The following JMJD1C variants were observed in gnomAD, a reference collection of about 807,000 sequenced individuals.
JMJD1C encodes the protein jumonji domain-containing protein 1C.
Under a neutral mutation model 245.3 loss-of-function variants are expected in JMJD1C, and 31 were observed. The observed-to-expected ratio is 0.13, with a 90% CI of 0.09 to 0.17. The LOEUF is 0.17. JMJD1C is among the 10% of genes least tolerant of loss of function. The pLI is 1.00. For missense variants in JMJD1C, 2,691 were observed against 3,000.2 expected, an observed-to-expected ratio of 0.90 and a Z score of 2.41; for synonymous variants, 1,057 against 1,017.4, an observed-to-expected ratio of 1.04 and a Z score of -0.74.
chr10:63,363,835 C>T (rs984890979), intron 2 of JMJD1C, among the ~76,000 whole-genome samples: 1 of 150,348 alleles, frequency 6.7e-6, no homozygotes, highest in African/African-American at 2.5e-5. Flanking sequence ...TATAGGTACA[C>T]GCCACCATGC....
At chr10:63,193,262 T>A in intron 15 of JMJD1C, 83 bp downstream of exon 15, 1 of 1,485,520 alleles carries the variant, frequency 6.7e-7, no homozygotes, top group Non-Finnish European at 9.2e-7. Context: ...CATACATAAG[T>A]CCTAAACCAA....
At chr10:63,471,559 T>C (rs541271926) in intron 1 of JMJD1C, among the ~76,000 whole-genome samples, 4 of 152,338 alleles carry the variant, frequency 2.6e-5, no homozygotes, top group Admixed American at 1.3e-4. Flanking sequence ...CTTCAGCATA[T>C]GCTATTTCTC....
At chr10:63,380,507 C>T (rs1203476265) in intron 1 of JMJD1C, 25 bp from the exon 2 acceptor site, 7 of 1,581,476 alleles carry the variant, frequency 4.4e-6, no homozygotes, top group Non-Finnish European at 6.0e-6. Flanking sequence ...ACACAAAATT[C>T]AATTAGCAAA....
chr10:63,291,125 T>G (rs1858629184), intron 2 of JMJD1C, among the ~76,000 whole-genome samples: 1 of 139,624 alleles, frequency 7.2e-6, no homozygotes, highest in South Asian at 2.3e-4. Flanking sequence ...GCTAACACGG[T>G]GAAACTCTCT....
chr10:63,312,094 C>CTTTTTTTT (rs35328965), intron 2 of JMJD1C, among the ~76,000 whole-genome samples: 23 of 64,016 alleles, frequency 3.6e-4, no homozygotes, highest in Admixed American at 5.5e-4. Flanking sequence ...AGTAGCTAAA[C>CTTTTTTTT]TTTTTTTTTT....
intron 2 of JMJD1C, among the ~76,000 whole-genome samples, chr10:63,310,194 C>T (rs943260881): frequency 3.9e-5 from 6 of 152,058 alleles, no homozygotes; most frequent in South Asian, 2.1e-4. Context: ...TATTCATGGA[C>T]GAAATGATTA....
At chr10:63,222,074 C>T in intron 3 of JMJD1C, 1 of 497,940 alleles carries the variant, frequency 2.0e-6, no homozygotes, top group Non-Finnish European at 3.7e-6. Context: ...ATATCTCTGA[C>T]AGCAAGTTCT....
chr10:63,371,286 A>G (rs1275063054), intron 2 of JMJD1C, among the ~76,000 whole-genome samples: 1 of 152,132 alleles, frequency 6.6e-6, no homozygotes, highest in Non-Finnish European at 1.5e-5. Context: ...CTGGTCTATA[A>G]GACTTTTTAA....
chr10:63,509,220 G>C (rs1954805207), intron 1 of JMJD1C, among the ~76,000 whole-genome samples: 2 of 152,188 alleles, frequency 1.3e-5, no homozygotes, highest in African/African-American at 4.8e-5. Flanking sequence ...TAATGTGCTA[G>C]ATTACACTAA....
At chr10:63,422,628 C>T (rs1248756179) in intron 1 of JMJD1C, among the ~76,000 whole-genome samples, 1 of 152,120 alleles carries the variant, frequency 6.6e-6, no homozygotes. Context: ...GAACATTAAA[C>T]GTACTGGACT....
In JMJD1C at chr10:63,507,644, C is replaced by CAAAAAA. The variant is rs34738955; in HGVS notation, n.113+14088_113+14093dup. Among the ~76,000 whole-genome samples the CAAAAAA allele has an allele frequency of 4.9e-4, 29 of 58,768 alleles. 8 individuals carry two copies. Among genetic ancestry groups the CAAAAAA allele is most frequent in the African/African-American group, 1.5e-3 (15 of 10,334 alleles). 38.6% of individuals were successfully genotyped at this position (58,768 alleles called of 152,430 possible). ...TGGGCAACAGAGTAAGACTCTGTCT[C>CAAAAAA]AAAAAAAAAAAAAAAAAAACAGTGG... On this transcript the variant is annotated intron_variant and non_coding_transcript_variant, in intron 1 of 3. Transcript: ENST00000633035.
intron 22 of JMJD1C, among the ~76,000 whole-genome samples, chr10:63,179,998 CT>C (rs1366517524): frequency 6.6e-6 from 1 of 150,474 alleles, no homozygotes; most frequent in Non-Finnish European, 1.5e-5. Context: ...ATATTTTTTT[CT>C]TTTTTTCTTT....
intron 2 of JMJD1C, among the ~76,000 whole-genome samples, chr10:63,344,905 G>C (rs1482769942): frequency 6.6e-6 from 1 of 152,100 alleles, no homozygotes; most frequent in African/African-American, 2.4e-5. Flanking sequence ...AGATCAACTG[G>C]AACTCTCAAA....
intron 1 of JMJD1C, among the ~76,000 whole-genome samples, chr10:63,517,505 T>C (rs1429261275): frequency 6.6e-6 from 1 of 152,220 alleles, no homozygotes; most frequent in African/African-American, 2.4e-5. Context: ...GAATGTCCTT[T>C]GCCCTAAATA....
intron 2 of JMJD1C, among the ~76,000 whole-genome samples, chr10:63,270,833 AATAAATC>A (rs1217984868): frequency 1.3e-5 from 2 of 152,182 alleles, no homozygotes; most frequent in Non-Finnish European, 2.9e-5. Flanking sequence ...TTGGCTACTC[AATAAATC>A]AAAGAGCAGA....
At chr10:63,280,287 C>T (rs917825359) in intron 2 of JMJD1C, among the ~76,000 whole-genome samples, 2 of 152,126 alleles carry the variant, frequency 1.3e-5, no homozygotes, top group African/African-American at 2.4e-5. Context: ...CGGTTGCTCA[C>T]GCCTGTAATC....
At chr10:63,217,573 G>T in intron 4 of JMJD1C, 1 of 273,736 alleles carries the variant, frequency 3.7e-6, no homozygotes, top group Non-Finnish European at 6.8e-6. Context: ...GAGAAGGAAG[G>T]TTTCTAGGAT....
At chr10:63,302,895 A>G (rs971111283) in intron 2 of JMJD1C, among the ~76,000 whole-genome samples, 1 of 152,164 alleles carries the variant, frequency 6.6e-6, no homozygotes, top group African/African-American at 2.4e-5. Flanking sequence ...CCTAAAGTTT[A>G]CATACACATA....
At chr10:63,516,072 TCCTA>T (rs1274662784) in intron 1 of JMJD1C, among the ~76,000 whole-genome samples, 13 of 152,132 alleles carry the variant, frequency 8.5e-5, no homozygotes, top group East Asian at 5.8e-4. Context: ...TTTTTCCATT[TCCTA>T]CCTATCAGAA....
Sources: allele counts gnomAD v4.1 joint callset (sites outside exome capture counted in the v4.1 genomes callset), GRCh38; gene constraint gnomAD v4.1.1; transcripts MANE v1.5; gene names NCBI Gene and HGNC (gene_info 2026-07-23, HGNC 2026-07-21).